The following RPTOR variants were observed in gnomAD, a reference collection of about 807,000 sequenced individuals.
The protein encoded by RPTOR is regulatory-associated protein of mTOR.
RPTOR carries 21 observed loss-of-function variants against 169.9 expected under a neutral mutation model. That is an observed-to-expected ratio of 0.12 (90% CI 0.09 to 0.18). The LOEUF (loss-of-function observed/expected upper bound fraction) is 0.18, where lower values mean the gene tolerates loss of function less well. RPTOR is among the 10% of genes least tolerant of loss of function. The probability of loss-of-function intolerance (pLI) is 1.00; values close to 1 mark genes in which losing one functional copy is unlikely to be tolerated. For missense variants in RPTOR, 1,133 were observed against 1,855.9 expected, an observed-to-expected ratio of 0.61 and a Z score of 7.16; for synonymous variants, 732 against 753.2, an observed-to-expected ratio of 0.97 and a Z score of 0.46.
At chr17:80,807,233 GTATT>G (rs1212546572) in intron 7 of RPTOR, among the ~76,000 whole-genome samples, 1 of 152,184 alleles carries the variant, frequency 6.6e-6, no homozygotes, top group Non-Finnish European at 1.5e-5. Context: ...TTTAATTAAA[GTATT>G]TAGTTTGTTT....
intron 32 of RPTOR, 130 bp from the exon 33 acceptor site, chr17:80,962,798 G>T (rs1424200865): frequency 1.3e-6 from 2 of 1,483,356 alleles, no homozygotes; most frequent in East Asian, 4.8e-5. Flanking sequence ...GTGACCAGAG[G>T]GTCACACCTG....
intron 7 of RPTOR, among the ~76,000 whole-genome samples, chr17:80,821,778 C>T (rs1435434273): frequency 2.0e-5 from 3 of 152,168 alleles, no homozygotes; most frequent in Admixed American, 6.5e-5. Flanking sequence ...ACCTTGCGGG[C>T]GAGACTCCTC....
chr17:80,558,561 C>T (rs994744874), intron 1 of RPTOR, among the ~76,000 whole-genome samples: 3 of 152,208 alleles, frequency 2.0e-5, no homozygotes, highest in Admixed American at 6.5e-5. Flanking sequence ...TCCCTATAGC[C>T]TTTGCCCAGG....
intron 3 of RPTOR, among the ~76,000 whole-genome samples, chr17:80,706,757 T>C (rs1199587220): frequency 6.6e-6 from 1 of 152,220 alleles, no homozygotes; most frequent in Non-Finnish European, 1.5e-5. Context: ...CAGTAGCAGC[T>C]TAGCTCCTTG....
rs765590661 is a variant in RPTOR, at chr17:80,923,714, C to T, written c.2808+41C>T. On this transcript the variant is annotated intron_variant, in intron 23 of 33. Coordinates refer to ENST00000306801, the MANE Select transcript of RPTOR (RefSeq NM_020761.3). ...TGCCTGGTGATCTGGACACTGAGAG[C>T]GTTGCTTCTCAGATGGGGGCTCATG... 9 of 1,508,450 alleles carry T rather than the reference C, an allele frequency of 6.0e-6. No homozygotes were observed. The East Asian group carries it at 7.2e-5, about 12-fold the overall frequency. The allele number at this position is 1,508,450 out of a possible 1,614,324, so 93.4% of individuals were successfully genotyped here.
rs528356910 is a variant in RPTOR at position 80,740,778 on chromosome 17, A to T, written c.654+10072A>T. Among the ~76,000 whole-genome samples the T allele has an allele frequency of 6.2e-4, 95 of 152,322 alleles. 1 individual carries two copies. Among genetic ancestry groups the T allele is most frequent in the Admixed American group, 1.2e-3 (19 of 15,304 alleles). On this transcript the variant is annotated intron_variant, in intron 5 of 33. Coordinates refer to ENST00000306801, the MANE Select transcript of RPTOR (RefSeq NM_020761.3). ...GAGAAGAACTTCAATTTGATTTTTT[A>T]AAAAATCTGTAAAAACCTAACAGCC... is the stretch of plus-strand genomic sequence containing the variant.
At chr17:80,882,112 G>A (rs553242514) in intron 14 of RPTOR, among the ~76,000 whole-genome samples, 1 of 152,330 alleles carries the variant, frequency 6.6e-6, no homozygotes, top group South Asian at 2.1e-4. Flanking sequence ...AATTCATGAA[G>A]GAGCCACCTG....
At chr17:80,879,770 C>T (rs967099534) in intron 13 of RPTOR, among the ~76,000 whole-genome samples, 42 of 152,164 alleles carry the variant, frequency 2.8e-4, no homozygotes, top group Admixed American at 4.6e-4. Context: ...GAGTCATGGC[C>T]ACGTGACTGT....
intron 6 of RPTOR, among the ~76,000 whole-genome samples, chr17:80,790,360 G>A (rs1365672121): frequency 1.3e-5 from 2 of 152,220 alleles, no homozygotes; most frequent in African/African-American, 4.8e-5. Flanking sequence ...GAGAGTGAGT[G>A]TGGCTGGCAG....
At chr17:80,915,889 C>T (rs1362519937) in intron 21 of RPTOR, among the ~76,000 whole-genome samples, 2 of 152,134 alleles carry the variant, frequency 1.3e-5, no homozygotes, top group Non-Finnish European at 2.9e-5. Flanking sequence ...GGAAAACCAG[C>T]TGCAGAGAGG....
At chr17:80,937,769 C>T (rs949208233) in intron 24 of RPTOR, among the ~76,000 whole-genome samples, 2 of 152,246 alleles carry the variant, frequency 1.3e-5, no homozygotes, top group Non-Finnish European at 2.9e-5. Context: ...TGCCTCCGTG[C>T]TGAGCGGCGG....
At chr17:80,879,466 C>T (rs2068161023) in intron 13 of RPTOR, among the ~76,000 whole-genome samples, 1 of 151,124 alleles carries the variant, frequency 6.6e-6, no homozygotes, top group Admixed American at 6.6e-5. Flanking sequence ...CTGGACCTGC[C>T]ATTTCCTAGC....
intron 7 of RPTOR, among the ~76,000 whole-genome samples, chr17:80,794,530 G>C (rs1314705467): frequency 6.6e-6 from 1 of 152,200 alleles, no homozygotes; most frequent in Admixed American, 6.5e-5. Context: ...CCATAAACCT[G>C]CCAACATGTC....
At chr17:80,792,897 G>A (rs1002934563) in intron 7 of RPTOR, among the ~76,000 whole-genome samples, 3 of 151,330 alleles carry the variant, frequency 2.0e-5, no homozygotes, top group Admixed American at 1.3e-4. Flanking sequence ...CCACCCCTGC[G>A]CCCTCCCCAC....
rs1011164525 is a variant in RPTOR, at chr17:80,562,555, G to A, written c.162+16764G>A. On this transcript the variant is annotated intron_variant, in intron 1 of 33. Coordinates refer to ENST00000306801, the MANE Select transcript of RPTOR (RefSeq NM_020761.3). The surrounding 1 kb of genome is among the most constrained non-coding windows in gnomAD (Gnocchi z 4.4). ...TCCCAGCACTTTGGGAGGCTGAGGC[G>A]GACGGATCACTTGAAGTCAGGAGTT... Among the ~76,000 whole-genome samples, 7 of 152,160 alleles carry A rather than the reference G, an allele frequency of 4.6e-5. No individual in the cohort carries two copies. Among genetic ancestry groups the A allele is most frequent in the African/African-American group, 1.2e-4 (5 of 41,432 alleles).
At position 80,800,219 on chromosome 17, in the gene RPTOR, G is replaced by C. The variant is rs149770080; in HGVS notation, c.890+8710G>C. 1.1e-3 allele frequency among the ~76,000 whole-genome samples: 166 copies of C among 152,316 alleles called. 3 individuals are homozygous for C. Among genetic ancestry groups the C allele is most frequent in the African/African-American group, 3.8e-3 (159 of 41,568 alleles). On this transcript the variant is annotated intron_variant, in intron 7 of 33. Transcript: ENST00000306801. ...CGTCCCTGCTGCCCCCAGACGGTCA[G>C]AAATCCAACCCGAGTCATATCATTA...
intron 4 of RPTOR, among the ~76,000 whole-genome samples, chr17:80,729,860 C>G (rs538256527): frequency 6.6e-6 from 1 of 152,170 alleles, no homozygotes; most frequent in Non-Finnish European, 1.5e-5. Flanking sequence ...AGGGAGGCCC[C>G]GCGGCGGGAA....
intron 3 of RPTOR, among the ~76,000 whole-genome samples, chr17:80,668,191 A>G (rs936385211): frequency 6.6e-6 from 1 of 152,084 alleles, no homozygotes. Context: ...CACTAGACAA[A>G]GTTTATCCTA....
rs140001632 is a variant in RPTOR, at chr17:80,845,090, C to T, written c.1213-1383C>T. 0.014 allele frequency among the ~76,000 whole-genome samples: 2,130 copies of T among 152,100 alleles called. 32 individuals are homozygous for T. Among genetic ancestry groups the T allele is most frequent in the Non-Finnish European group, 0.019 (1,279 of 67,950 alleles). On this transcript the variant is annotated intron_variant, in intron 10 of 33. Coordinates refer to ENST00000306801, the MANE Select transcript of RPTOR (RefSeq NM_020761.3). This position sits in a 1 kb window ranked among gnomAD's most constrained non-coding sequence, Gnocchi z 5.4. ...TCAGGCCGGACTGCTCCTGCCTGGC[C>T]GCTCAGTTCCGAGACCTTCCAACGG... is the stretch of plus-strand genomic sequence containing the variant.
Sources: allele counts gnomAD v4.1 joint callset (sites outside exome capture counted in the v4.1 genomes callset), GRCh38; gene constraint gnomAD v4.1.1; non-coding constraint Gnocchi (gnomAD v3.1); transcripts MANE v1.5; gene names NCBI Gene and HGNC (gene_info 2026-07-23, HGNC 2026-07-21).